The following MAPKAPK5 variants were observed in gnomAD, a reference collection of about 807,000 sequenced individuals.
The protein encoded by MAPKAPK5 is MAP kinase-activated protein kinase 5.
Under a neutral mutation model 65.1 loss-of-function variants are expected in MAPKAPK5, and 30 were observed. That is an observed-to-expected ratio of 0.46 (90% CI 0.34 to 0.63). The LOEUF (loss-of-function observed/expected upper bound fraction) is 0.63, where lower values mean the gene tolerates loss of function less well. MAPKAPK5 is among the 20% of genes least tolerant of loss of function. MAPKAPK5 has a pLI of 0.01. For synonymous variants in MAPKAPK5, 179 were observed against 204.6 expected, an observed-to-expected ratio of 0.87 and a Z score of 1.07; for missense variants, 433 against 581.4, an observed-to-expected ratio of 0.74 and a Z score of 2.63.
At chr12:111,856,005 A>G (rs959954169) in intron 1 of MAPKAPK5, among the ~76,000 whole-genome samples, 2 of 151,690 alleles carry the variant, frequency 1.3e-5, no homozygotes, top group East Asian at 3.9e-4. Flanking sequence ...ACAGGCATAC[A>G]CCACCATGCC....
chr12:111,855,885 C>T (rs1345228471), intron 1 of MAPKAPK5, among the ~76,000 whole-genome samples: 6 of 136,532 alleles, frequency 4.4e-5, no homozygotes, highest in Admixed American at 2.3e-4. Flanking sequence ...GATGGAGTTT[C>T]GCTCTTGTTG....
chr12:111,900,727 A>G lies in MAPKAPK5; in HGVS notation c.*7666A>G, dbSNP rs370683077. The stretch of plus-strand genomic sequence containing the variant: ...AAGTGTAAATTTCACCGTAAGGGAT[A>G]TCCTTGCTGTCCTTCTAGTCGTTCC... On this transcript the variant is annotated 3_prime_UTR_variant, in exon 14 of 14. Transcript: ENST00000550735. 3.7e-5 allele frequency: 17 copies of G among 455,978 alleles called. No individual in the cohort carries two copies. Among genetic ancestry groups the G allele is most frequent in the African/African-American group, 2.8e-4 (14 of 50,080 alleles). 28.2% of individuals were successfully genotyped at this position (455,978 alleles called of 1,614,324 possible).
At position 111,871,102 on chromosome 12, in the gene MAPKAPK5, G is replaced by C. The variant is rs371243208; in HGVS notation, c.501G>C (p.Leu167Phe). Residue 167 changes from leucine to phenylalanine, a missense_variant, in exon 7 of 14, where the codon TTG becomes TTC. By Grantham distance (22) the Leu-to-Phe change is conservative. Coordinates refer to ENST00000550735, the MANE Select transcript of MAPKAPK5 (RefSeq NM_003668.4). ...KDNSLDAPVK[L>F]CDFGFAKIDQ... ...AATTTCAGGATGCCCCAGTGAAGTT[G>C]TGTGACTTTGGATTTGCCAAGATTG... is the stretch of plus-strand genomic sequence containing the variant. 31 of 1,613,012 alleles carry C rather than the reference G, an allele frequency of 1.9e-5. No homozygotes were observed. The highest frequency in any genetic ancestry group is 8.8e-5 in the South Asian group (8 of 90,964).
At chr12:111,880,397 C>A (rs981976078) in intron 7 of MAPKAPK5, 50 bp from the exon 8 acceptor site, 1 of 1,436,354 alleles carries the variant, frequency 7.0e-7, no homozygotes, top group Non-Finnish European at 9.8e-7. Context: ...GGCAGGTTAT[C>A]GGTGGTGTGA....
At chr12:111,892,705 A>G (rs1338708816) in intron 13 of MAPKAPK5, among the ~76,000 whole-genome samples, 2 of 151,900 alleles carry the variant, frequency 1.3e-5, no homozygotes, top group Non-Finnish European at 2.9e-5. Context: ...TGTCAGCTGT[A>G]TGTATTACAA....
At chr12:111,846,621 G>T (rs908159425) in intron 1 of MAPKAPK5, among the ~76,000 whole-genome samples, 1 of 151,088 alleles carries the variant, frequency 6.6e-6, no homozygotes, top group Admixed American at 6.6e-5. Flanking sequence ...TCAGCCTCCC[G>T]AGTAGTAGCT....
At chr12:111,875,833 C>T (rs1388778968) in intron 7 of MAPKAPK5, among the ~76,000 whole-genome samples, 2 of 152,092 alleles carry the variant, frequency 1.3e-5, no homozygotes, top group African/African-American at 2.4e-5. Context: ...GCTTTCACTC[C>T]CCATCTCTCC....
intron 1 of MAPKAPK5, among the ~76,000 whole-genome samples, chr12:111,854,444 G>T (rs563994714): frequency 7.9e-5 from 12 of 152,214 alleles, no homozygotes; most frequent in African/African-American, 2.9e-4. Flanking sequence ...GTTTCACCAT[G>T]TTGGCCAGAT....
At chr12:111,885,820 G>A (rs1593180387) in intron 9 of MAPKAPK5, 96 bp from the exon 10 acceptor site, 2 of 1,514,800 alleles carry the variant, frequency 1.3e-6, no homozygotes, top group Non-Finnish European at 1.8e-6. Flanking sequence ...GCAGAAGTCA[G>A]AAGTAACCAG....
chr12:111,889,146 T>C (rs2070516019), intron 12 of MAPKAPK5, 146 bp downstream of exon 12: 2 of 865,642 alleles, frequency 2.3e-6, no homozygotes, highest in Non-Finnish European at 3.5e-6. Flanking sequence ...AAGTACATTA[T>C]ATAAGGTAGT....
At chr12:111,844,438 G>A (rs764933429) in intron 1 of MAPKAPK5, among the ~76,000 whole-genome samples, 2 of 152,150 alleles carry the variant, frequency 1.3e-5, no homozygotes, top group Non-Finnish European at 2.9e-5. Context: ...TGATTTGCCC[G>A]CCTCGGCCTC....
In MAPKAPK5 at chr12:111,900,843, G is replaced by A. The variant is rs1008264795; in HGVS notation, c.*7782G>A. 8 of 455,860 alleles carry A rather than the reference G, an allele frequency of 1.8e-5. No homozygotes were observed. The highest frequency in any genetic ancestry group is 4.7e-5 in the Admixed American group (2 of 42,536). The allele number at this position is 455,860 out of a possible 1,614,324, so 28.2% of individuals were successfully genotyped here. On this transcript the variant is annotated 3_prime_UTR_variant, in exon 14 of 14. Coordinates refer to ENST00000550735, the MANE Select transcript of MAPKAPK5 (RefSeq NM_003668.4). The stretch of plus-strand genomic sequence containing the variant: ...TGGCTCAAAATGTCATACAATTTAC[G>A]AGTGCCTTAAAGTTCATTGTATGGA...
chr12:111,888,853 G>C (rs1395105900), intron 11 of MAPKAPK5, 32 bp from the exon 12 acceptor site: 4 of 1,609,466 alleles, frequency 2.5e-6, no homozygotes, highest in Non-Finnish European at 3.4e-6. Context: ...GGGGTCTCAC[G>C]TTGTCATTAC....
intron 1 of MAPKAPK5, among the ~76,000 whole-genome samples, chr12:111,846,624 T>C (rs1037858211): frequency 2.6e-5 from 4 of 151,426 alleles, no homozygotes; most frequent in Non-Finnish European, 5.9e-5. Flanking sequence ...GCCTCCCGAG[T>C]AGTAGCTGGG....
chr12:111,871,406 T>C (rs1484702657), intron 7 of MAPKAPK5, among the ~76,000 whole-genome samples: 1 of 152,126 alleles, frequency 6.6e-6, no homozygotes. Flanking sequence ...TTTGGGAGGC[T>C]GAGGCGGGTG....
intron 8 of MAPKAPK5, among the ~76,000 whole-genome samples, chr12:111,880,993 T>G (rs2070186957): frequency 6.6e-6 from 1 of 152,250 alleles, no homozygotes; most frequent in Non-Finnish European, 1.5e-5. Context: ...AACACCCAGC[T>G]TAGAACAGTA....
intron 3 of MAPKAPK5, among the ~76,000 whole-genome samples, chr12:111,867,155 C>T (rs570990317): frequency 6.6e-6 from 1 of 152,144 alleles, no homozygotes; most frequent in African/African-American, 2.4e-5. Context: ...TGGTCTCAAA[C>T]TCCTGGGCTC....
chr12:111,860,426 C>A (rs190411585), intron 1 of MAPKAPK5, among the ~76,000 whole-genome samples: 1 of 152,280 alleles, frequency 6.6e-6, no homozygotes, highest in Admixed American at 6.5e-5. Context: ...TCAGGATTTT[C>A]CCATTAAATC....
At chr12:111,872,391 C>CA (rs1158179258) in intron 7 of MAPKAPK5, among the ~76,000 whole-genome samples, 1 of 152,122 alleles carries the variant, frequency 6.6e-6, no homozygotes, top group Non-Finnish European at 1.5e-5. Context: ...ACTTTTTGTA[C>CA]ATGTGTATTG....
Sources: allele counts gnomAD v4.1 joint callset (sites outside exome capture counted in the v4.1 genomes callset), GRCh38; gene constraint gnomAD v4.1.1; transcripts MANE v1.5; gene names NCBI Gene and HGNC (gene_info 2026-07-23, HGNC 2026-07-21).